SLC38A8: variants seen among roughly 807,000 people sequenced by gnomAD.
SLC38A8 encodes amino acid transporter SLC38A8.
A neutral mutation model predicts 46.0 loss-of-function variants in SLC38A8; 65 were observed. That is an observed-to-expected ratio of 1.41 (90% CI 1.16 to 1.74). The LOEUF (loss-of-function observed/expected upper bound fraction) is 1.74, where lower values mean the gene tolerates loss of function less well. Among genes scored for constraint, SLC38A8 ranks in the 40% most tolerant of loss-of-function variants. The probability of loss-of-function intolerance (pLI) is 0.00; values close to 1 mark genes in which losing one functional copy is unlikely to be tolerated. For missense variants in SLC38A8, 998 were observed against 567.9 expected, an observed-to-expected ratio of 1.76 and a Z score of -7.70; for synonymous variants, 447 against 243.7, an observed-to-expected ratio of 1.83 and a Z score of -7.77.
rs116055682 is a variant in SLC38A8 at position 84,040,800 on chromosome 16, T to A, written c.189+1169A>T. On this transcript the variant is annotated intron_variant, in intron 2 of 10. Transcript: ENST00000299709. ...CCAGAGACACATGACCCTCCCGGCA[T>A]GATCCACCATCTGAAGCTGATGACA... Among the ~76,000 whole-genome samples the A allele has an allele frequency of 1.9e-3, 292 of 152,294 alleles. 1 individual carries two copies. The highest frequency in any genetic ancestry group is 6.7e-3 in the African/African-American group (279 of 41,572).
At chr16:84,014,603 C>T in intron 9 of SLC38A8, among the ~76,000 whole-genome samples, 1 of 152,244 alleles carries the variant, frequency 6.6e-6, no homozygotes, top group South Asian at 2.1e-4. Context: ...CCACTCCCCT[C>T]ACCTCTGAGA....
chr16:84,014,862 A>C (rs1004638294), intron 9 of SLC38A8, among the ~76,000 whole-genome samples: 1 of 152,080 alleles, frequency 6.6e-6, no homozygotes, highest in African/African-American at 2.4e-5. Flanking sequence ...GTGGCCCTCA[A>C]TTCTTCCATC....
At chr16:84,017,630 C>T (rs889748212) in intron 7 of SLC38A8, among the ~76,000 whole-genome samples, 13 of 152,314 alleles carry the variant, frequency 8.5e-5, no homozygotes, top group African/African-American at 2.4e-4. Flanking sequence ...CTCACTCCTA[C>T]GACATCTAAA....
chr16:84,026,290 C>G (rs2085163890), intron 6 of SLC38A8, among the ~76,000 whole-genome samples: 1 of 152,214 alleles, frequency 6.6e-6, no homozygotes, highest in South Asian at 2.1e-4. Context: ...AGTACAGTTG[C>G]ATGATCTTGG....
At chr16:84,024,672 T>C (rs919335225) in intron 6 of SLC38A8, among the ~76,000 whole-genome samples, 3 of 152,012 alleles carry the variant, frequency 2.0e-5, no homozygotes, top group African/African-American at 7.2e-5. Context: ...TCCTAGTTAC[T>C]TGGGAGGCTA....
At chr16:84,034,686 A>T (rs2085282033) in intron 3 of SLC38A8, among the ~76,000 whole-genome samples, 1 of 152,174 alleles carries the variant, frequency 6.6e-6, no homozygotes, top group Non-Finnish European at 1.5e-5. Context: ...GATGAAGGGG[A>T]AAGTTCCAAA....
intron 6 of SLC38A8, among the ~76,000 whole-genome samples, chr16:84,027,265 G>A (rs1352989849): frequency 1.3e-5 from 2 of 152,144 alleles, no homozygotes; most frequent in African/African-American, 2.4e-5. Context: ...CAGGAGAATC[G>A]CTTGAACCCA....
intron 2 of SLC38A8, among the ~76,000 whole-genome samples, chr16:84,038,149 A>G (rs918338249): frequency 9.9e-5 from 15 of 152,120 alleles, no homozygotes; most frequent in African/African-American, 3.6e-4. Context: ...CATCTCTACT[A>G]AAAACACAAA....
chr16:84,030,823 T>C (rs1457301188), intron 5 of SLC38A8, among the ~76,000 whole-genome samples: 1 of 152,056 alleles, frequency 6.6e-6, no homozygotes, highest in African/African-American at 2.4e-5. Flanking sequence ...ACACTGAGCA[T>C]GGGGCCTGGG....
intron 2 of SLC38A8, 33 bp from the exon 3 acceptor site, chr16:84,036,933 T>A (rs777541574): frequency 6.4e-7 from 1 of 1,573,978 alleles, no homozygotes; most frequent in African/African-American, 1.4e-5. Context: ...GGAACTGGGG[T>A]GTGCCCACAG....
chr16:84,014,876 C>T (rs377045337), intron 9 of SLC38A8, among the ~76,000 whole-genome samples: 4 of 152,160 alleles, frequency 2.6e-5, no homozygotes, highest in African/African-American at 9.7e-5. Flanking sequence ...TTCCATCGCC[C>T]CCCCACCTCC....
At position 84,016,587 on chromosome 16, in the gene SLC38A8, A is replaced by G; in HGVS notation, c.1094T>C (p.Met365Thr). ...VTVTLAMALFMPDLSEIVSII... is the reference protein window; with the variant it reads ...VTVTLAMALFTPDLSEIVSII... ...GCTGACGATCTCGCTGAGGTCAGGC[A>G]TAAACAGCGCCATGGCGAGCGTCAC... The change falls in exon 9 of 11, where the codon ATG (methionine) becomes ACG (threonine). Residue 365 changes from methionine to threonine, a missense_variant. Met to Thr is a moderately conservative substitution (Grantham distance 81). Coordinates refer to ENST00000299709, the MANE Select transcript of SLC38A8 (RefSeq NM_001080442.3). The G allele has an allele frequency of 1.9e-6, 3 of 1,614,108 alleles. No homozygotes were observed. In the South Asian group the frequency reaches 3.3e-5, roughly 18 times the overall value.
intron 7 of SLC38A8, among the ~76,000 whole-genome samples, chr16:84,019,103 T>C (rs181580052): frequency 1.3e-5 from 2 of 151,842 alleles, no homozygotes; most frequent in Admixed American, 1.3e-4. Context: ...TTTTTTGAGA[T>C]GGAGTCTGTC....
At chr16:84,013,615 G>C (rs1263882398) in intron 9 of SLC38A8, among the ~76,000 whole-genome samples, 1 of 151,624 alleles carries the variant, frequency 6.6e-6, no homozygotes, top group African/African-American at 2.4e-5. Flanking sequence ...ATTTTTAGTA[G>C]AGACGGGATT....
chr16:84,024,161 G>A (rs2085132106), intron 6 of SLC38A8, among the ~76,000 whole-genome samples: 1 of 152,102 alleles, frequency 6.6e-6, no homozygotes, highest in African/African-American at 2.4e-5. Flanking sequence ...ATGTTCCCTG[G>A]GGGTATAACC....
At position 84,011,859 on chromosome 16, in the gene SLC38A8, G is replaced by A. The variant is rs560832403; in HGVS notation, c.1214+1142C>T. Reference sequence around the variant, plus strand: ...CAATTACGCCACTGCACTCCAGCCGGAGCAACAGAGCAAGACTCTGTCTCA... The same window carrying A: ...CAATTACGCCACTGCACTCCAGCCGAAGCAACAGAGCAAGACTCTGTCTCA... On this transcript the variant is annotated intron_variant, in intron 10 of 10. Coordinates refer to ENST00000299709, the MANE Select transcript of SLC38A8 (RefSeq NM_001080442.3). Among the ~76,000 whole-genome samples, 18 of 152,270 alleles carry A rather than the reference G, an allele frequency of 1.2e-4. No individual in the cohort carries two copies. The East Asian group carries it at 3.3e-3, about 28-fold the overall frequency.
chr16:84,015,942 G>T (rs2085019912), intron 9 of SLC38A8, among the ~76,000 whole-genome samples: 1 of 152,228 alleles, frequency 6.6e-6, no homozygotes, highest in Non-Finnish European at 1.5e-5. Context: ...GCCTCCCAAA[G>T]TGCTGGGATT....
Position 84,033,343 on chromosome 16 carries a change from A to G in SLC38A8, c.515T>C (p.Phe172Ser). The change falls in exon 4 of 11, where the codon TTC (phenylalanine) becomes TCC (serine). Residue 172 changes from phenylalanine (F) to serine (S), a missense_variant. By Grantham distance (155) the Phe-to-Ser change is radical (BLOSUM62 -2). Transcript: ENST00000299709. Reference protein sequence around the residue: ...LPLSAPREIAFQKYTSILGTL... With the variant: ...LPLSAPREIASQKYTSILGTL... The stretch of plus-strand genomic sequence containing the variant: ...CAGCCCTTACCTTGTGTATTTCTGG[A>G]AGGCGATCTCCCGCGGGGCAGACAG... 8.7e-6 allele frequency: 14 copies of G among 1,614,026 alleles called. No homozygotes were observed. The highest frequency in any genetic ancestry group is 1.2e-5 in the Non-Finnish European group (14 of 1,179,980).
At chr16:84,037,417 G>C (rs1002213288) in intron 2 of SLC38A8, among the ~76,000 whole-genome samples, 2 of 152,212 alleles carry the variant, frequency 1.3e-5, no homozygotes, top group Non-Finnish European at 2.9e-5. Flanking sequence ...TGACACGTCA[G>C]GACTGAACAA....
Sources: allele counts gnomAD v4.1 joint callset (sites outside exome capture counted in the v4.1 genomes callset), GRCh38; gene constraint gnomAD v4.1.1; transcripts MANE v1.5; gene names NCBI Gene and HGNC (gene_info 2026-07-23, HGNC 2026-07-21).